Variants in NLRP5 observed in about 807,000 individuals in gnomAD.
The protein encoded by NLRP5 is NLR family pyrin domain containing 5.
In NLRP5, 93 loss-of-function variants were observed where a neutral mutation model predicts 113.1. That is an observed-to-expected ratio of 0.82 (90% CI 0.70 to 0.98). The LOEUF is 0.98. NLRP5 is among the 50% of genes least tolerant of loss of function. The pLI is 0.00. For synonymous variants in NLRP5, 751 were observed against 600.7 expected, an observed-to-expected ratio of 1.25 and a Z score of -3.66; for missense variants, 1,808 against 1,514.3, an observed-to-expected ratio of 1.19 and a Z score of -3.22.
At chr19:55,994,523 C>T in the NLRP5 span, among the ~76,000 whole-genome samples, 1 of 152,084 alleles carries the variant, frequency 6.6e-6, no homozygotes, top group Non-Finnish European at 1.5e-5. Context: ...TCAGCCTCCC[C>T]AGTAGCTGGG....
At chr19:56,050,707 C>T in intron 12 of NLRP5, 119 bp downstream of exon 12, 1 of 950,954 alleles carries the variant, frequency 1.1e-6, no homozygotes, top group Non-Finnish European at 1.5e-6. Flanking sequence ...TGAGCTGACA[C>T]TCATTTTTCC....
intron 8 of NLRP5, among the ~76,000 whole-genome samples, chr19:56,033,229 T>G (rs1259511136): frequency 1.3e-5 from 2 of 152,046 alleles, no homozygotes; most frequent in Non-Finnish European, 2.9e-5. Context: ...CCAGCCTGGG[T>G]GACAGAGTGA....
chr19:56,003,840 T>C lies in NLRP5; in HGVS notation c.187T>C (p.Tyr63His), dbSNP rs1488562575. 11 of 1,614,020 alleles carry C rather than the reference T, an allele frequency of 6.8e-6. No homozygotes were observed. Among genetic ancestry groups the C allele is most frequent in the Middle Eastern group, 1.6e-4 (1 of 6,062 alleles). ...AGACAAATCGCTCACCTTTTCCAGC[T>C]ACGGGCTGCAATGGTGTCTCTATGA... Residue 63 changes from tyrosine (Y) to histidine (H), a missense_variant, in exon 2 of 15, where the codon TAC (tyrosine) becomes CAC (histidine). Physicochemically the swap from Tyr to His is moderately conservative, Grantham distance 83. Coordinates refer to ENST00000390649, the MANE Select transcript of NLRP5 (RefSeq NM_153447.4).
At chr19:56,012,078 A>T in intron 3 of NLRP5, among the ~76,000 whole-genome samples, 1 of 152,112 alleles carries the variant, frequency 6.6e-6, no homozygotes, top group East Asian at 1.9e-4. Flanking sequence ...ATGTATTATG[A>T]TGCTCAAGAC....
the NLRP5 span, among the ~76,000 whole-genome samples, chr19:55,987,125 T>G: frequency 3.9e-5 from 6 of 152,168 alleles, no homozygotes; most frequent in Non-Finnish European, 8.8e-5. Context: ...TCCCAGCACT[T>G]TGGGAGGCCG....
upstream of NLRP5, among the ~76,000 whole-genome samples, chr19:55,997,288 A>G (rs962301780): frequency 2.0e-5 from 3 of 152,120 alleles, no homozygotes; most frequent in Non-Finnish European, 2.9e-5. Flanking sequence ...CCACCCTTGC[A>G]ACCCTGAGAT....
chr19:56,026,223 T>A (rs1272285639), intron 6 of NLRP5, among the ~76,000 whole-genome samples: 1 of 151,936 alleles, frequency 6.6e-6, no homozygotes, highest in African/African-American at 2.4e-5. Context: ...GAGGTATATT[T>A]TTACTAAAAT....
At chr19:56,011,439 C>T (rs975696020) in intron 3 of NLRP5, among the ~76,000 whole-genome samples, 1 of 152,046 alleles carries the variant, frequency 6.6e-6, no homozygotes, top group African/African-American at 2.4e-5. Flanking sequence ...TGTGAATATT[C>T]TCAATCATGA....
chr19:56,038,077 C>T lies in NLRP5; in HGVS notation c.2668C>T (p.Leu890Phe). Residue 890 changes from leucine (L) to phenylalanine (F), a missense_variant, in exon 10 of 15, where the codon CTT becomes TTT. Physicochemically the swap from Leu to Phe is conservative, Grantham distance 22. Coordinates refer to ENST00000390649, the MANE Select transcript of NLRP5 (RefSeq NM_153447.4). ...CTGTTACCTGAAGATCTCCCAAATC[C>T]TTACGACCTCCCCCAGCCTGAAATC... 6 of 1,614,002 alleles carry T rather than the reference C, an allele frequency of 3.7e-6. No homozygotes were observed. Among genetic ancestry groups the T allele is most frequent in the East Asian group, 4.5e-5 (2 of 44,874 alleles).
chr19:56,027,409 C>T lies in NLRP5; in HGVS notation c.1176C>T (p.Arg392=), dbSNP rs368116111. Residue 392 remains arginine, a synonymous_variant, in exon 7 of 15, where the codon CGC becomes CGT. Transcript: ENST00000390649. ...AGCAGCCTCCGTTCACCCTCATACG[C>T]AGTCTGCTGAGGAAGGTCCTGCTCC... The T allele has an allele frequency of 4.2e-5, 67 of 1,613,404 alleles. No individual in the cohort carries two copies. The highest frequency in any genetic ancestry group is 5.2e-5 in the Non-Finnish European group (61 of 1,179,698).
At chr19:56,049,086 A>T (rs1983834642) in intron 11 of NLRP5, among the ~76,000 whole-genome samples, 2 of 148,488 alleles carry the variant, frequency 1.3e-5, no homozygotes, top group South Asian at 4.3e-4. Context: ...GACTCAAGCA[A>T]TTCTCCTGCC....
intron 2 of NLRP5, among the ~76,000 whole-genome samples, chr19:56,005,107 A>AAAATAT (rs1173746273): frequency 2.1e-5 from 2 of 95,344 alleles, no homozygotes; most frequent in Admixed American, 1.1e-4. Context: ...AAAAAAAAAA[A>AAAATAT]ATATATATAT....
In NLRP5 at chr19:56,037,714, A is replaced by AAAAAAAAAAAAAAG. The variant is rs200215825; in HGVS notation, c.2616-311_2616-310insAAAAAAAAAAAAAG. Among the ~76,000 whole-genome samples, 7 of 131,672 alleles carry AAAAAAAAAAAAAAG rather than the reference A, an allele frequency of 5.3e-5. 1 individual carries two copies. Among genetic ancestry groups the AAAAAAAAAAAAAAG allele is most frequent in the Admixed American group, 7.6e-5 (1 of 13,108 alleles). 86.4% of individuals were successfully genotyped at this position (131,672 alleles called of 152,430 possible). ...GTCTCAAAAAAAAAAAAAAAAAAAAATGTTGGCTGGGGTGGGTTGCTATGA... is the reference window on the plus strand; with the variant it reads ...GTCTCAAAAAAAAAAAAAAAAAAAAAAAAAAAAAAAAAAGTGTTGGCTGGGGTGGGTTGCTATGA... On this transcript the variant is annotated intron_variant, in intron 9 of 14. Transcript: ENST00000390649.
At chr19:56,024,682 T>C (rs1197081784) in intron 6 of NLRP5, among the ~76,000 whole-genome samples, 2 of 151,100 alleles carry the variant, frequency 1.3e-5, no homozygotes, top group African/African-American at 4.9e-5. Context: ...TGCTTGAACC[T>C]GGGAGATGGA....
chr19:56,058,130 TTTTG>T, intron 13 of NLRP5, 106 bp from the exon 14 acceptor site: 2 of 869,352 alleles, frequency 2.3e-6, no homozygotes, highest in African/African-American at 1.9e-5. Context: ...TTTGTTTTTG[TTTTG>T]TTTTGTTTTC....
intron 2 of NLRP5, among the ~76,000 whole-genome samples, chr19:56,006,170 C>A (rs1387336670): frequency 2.6e-5 from 4 of 151,996 alleles, no homozygotes; most frequent in Non-Finnish European, 4.4e-5. Flanking sequence ...CAAACTATCA[C>A]AAGGACAGAA....
At chr19:56,026,700 T>A (rs1982866407) in intron 6 of NLRP5, among the ~76,000 whole-genome samples, 3 of 151,550 alleles carry the variant, frequency 2.0e-5, no homozygotes, top group Admixed American at 2.0e-4. Flanking sequence ...TGCCTCAGCC[T>A]CCTGAGTAGC....
intron 6 of NLRP5, among the ~76,000 whole-genome samples, chr19:56,023,607 G>T (rs185827629): frequency 6.6e-6 from 1 of 152,018 alleles, no homozygotes; most frequent in East Asian, 1.9e-4. Flanking sequence ...CTTAACCTAC[G>T]TGGGAAGAAT....
At chr19:56,022,397 G>A (rs1982648617) in intron 6 of NLRP5, among the ~76,000 whole-genome samples, 2 of 123,990 alleles carry the variant, frequency 1.6e-5, no homozygotes, top group African/African-American at 5.2e-5. Flanking sequence ...TTTCATATTT[G>A]TTATAGAAAG....
Sources: gnomAD v4.1 joint callset for allele counts (sites outside exome capture counted in the v4.1 genomes callset) on GRCh38, gnomAD v4.1.1 for gene constraint, MANE v1.5 for transcripts, NCBI Gene and HGNC (gene_info 2026-07-23, HGNC 2026-07-21) for gene names.